Variants in PAPLN observed in about 807,000 individuals in gnomAD.
The protein encoded by PAPLN is papilin.
A neutral mutation model predicts 159.0 loss-of-function variants in PAPLN; 146 were observed. The ratio of observed to expected loss-of-function variants is 0.92; its 90% CI spans 0.80 to 1.05. The LOEUF is 1.05. Among genes scored for constraint, PAPLN ranks in the 50% least tolerant of loss-of-function variants. PAPLN has a pLI of 0.00. For missense variants in PAPLN, 1,720 were observed against 1,743.9 expected (o/e 0.99, Z 0.24); for synonymous variants, 734 against 702.9 (o/e 1.04, Z -0.70).
At chr14:73,239,483 T>C in intron 1 of PAPLN, 1 of 428,444 alleles carries the variant, frequency 2.3e-6, no homozygotes, top group South Asian at 4.5e-5. Flanking sequence ...CACATAGAAG[T>C]ATTTTTAATT....
In PAPLN at chr14:73,262,157, C is replaced by A. The variant is rs994526897; in HGVS notation, c.2246-193C>A. 8.7e-6 allele frequency: 5 copies of A among 575,320 alleles called. No individual in the cohort carries two copies. In the African/African-American group the frequency reaches 9.4e-5, roughly 11 times the overall value. 35.6% of individuals were successfully genotyped at this position (575,320 alleles called of 1,614,324 possible). On this transcript the variant is annotated intron_variant, in intron 18 of 26. Transcript: ENST00000644200. ...AGGCTGCTGTGGCACCAGCCGGGGG[C>A]AGGTCTGCACAGTGGACAGACTCTG...
At chr14:73,271,291 T>C (rs1887693781) in intron 26 of PAPLN, among the ~76,000 whole-genome samples, 1 of 152,138 alleles carries the variant, frequency 6.6e-6, no homozygotes. Flanking sequence ...AGGTAGGTAA[T>C]AGTCTGGTTA....
At position 73,251,847 on chromosome 14, in the gene PAPLN, G is replaced by A. The variant is rs182587944; in HGVS notation, c.843+11G>A. The A allele has an allele frequency of 9.4e-6, 15 of 1,587,420 alleles. No individual in the cohort carries two copies. The African/African-American group carries it at 1.4e-4, about 14-fold the overall frequency. On this transcript the variant is annotated intron_variant, in intron 9 of 26. Coordinates refer to ENST00000644200, the MANE Select transcript of PAPLN (RefSeq NM_001365906.3). ...CCCCTGGTCATCGAGGTAAATGGGGGTGTGGGGAGAGAGGGCGAGTGGGCA... is the reference window on the plus strand; with the variant it reads ...CCCCTGGTCATCGAGGTAAATGGGGATGTGGGGAGAGAGGGCGAGTGGGCA...
At chr14:73,261,372 A>G (rs1886568231) in intron 18 of PAPLN, 78 bp downstream of exon 18, 2 of 1,532,372 alleles carry the variant, frequency 1.3e-6, no homozygotes, top group Non-Finnish European at 1.8e-6. Context: ...ACCCAGGACC[A>G]AAGACCTTCC....
rs1887956820 is a variant in PAPLN, at chr14:73,274,046, AATGAG to A, written c.*1383_*1387del. Reference sequence around the variant, plus strand: ...TGACCAGCCTGCTCTGTACAGTGACAATGAGGAGCCCCTCTCTTCCTTAAGTAGGA... The same window carrying A: ...TGACCAGCCTGCTCTGTACAGTGACAGAGCCCCTCTCTTCCTTAAGTAGGA... On this transcript the variant is annotated 3_prime_UTR_variant, in exon 27 of 27. Transcript: ENST00000644200. 2 of 152,352 alleles carry A rather than the reference AATGAG, an allele frequency of 1.3e-5. No individual in the cohort carries two copies. Among genetic ancestry groups the A allele is most frequent in the South Asian group, 4.1e-4 (2 of 4,826 alleles). 9.4% of individuals were successfully genotyped at this position (152,352 alleles called of 1,614,324 possible).
At position 73,251,699 on chromosome 14, in the gene PAPLN, G is replaced by T. The variant is rs749307204; in HGVS notation, c.706G>T (p.Gly236Trp). The T allele has an allele frequency of 1.2e-6, 2 of 1,613,452 alleles. No homozygotes were observed. The highest frequency in any genetic ancestry group is 4.5e-5 in the East Asian group (2 of 44,886). The change falls in exon 9 of 27, where the codon GGG becomes TGG. Residue 236 changes from glycine (G) to tryptophan (W), a missense_variant. Gly to Trp is a radical substitution (Grantham distance 184, BLOSUM62 -2). Coordinates refer to ENST00000644200, the MANE Select transcript of PAPLN (RefSeq NM_001365906.3). The part of the protein sequence containing the change: ...KNVRGEYYLN[G>W]HWTIEAARAL... ...TGTTCGTGGGGAATACTACCTCAAT[G>T]GGCACTGGACCATCGAGGCGGCCCG...
rs73305090 is a variant in PAPLN, at chr14:73,250,227, T to G, written c.465+113T>G. 7,367 of 1,362,548 alleles carry G rather than the reference T, an allele frequency of 5.4e-3. 287 individuals are homozygous for G. The African/African-American group carries it at 0.087, about 16-fold the overall frequency. The allele number at this position is 1,362,548 out of a possible 1,614,324, so 84.4% of individuals were successfully genotyped here. ...TAGCTGCCATGAGCTTGGTGTCTTCTCAAGTTACCAGGACACCAAGCCCAG... is the reference window on the plus strand; with the variant it reads ...TAGCTGCCATGAGCTTGGTGTCTTCGCAAGTTACCAGGACACCAAGCCCAG... On this transcript the variant is annotated intron_variant, in intron 6 of 26. Coordinates refer to ENST00000644200, the MANE Select transcript of PAPLN (RefSeq NM_001365906.3).
At chr14:73,246,608 C>T (rs1345655247) in intron 5 of PAPLN, among the ~76,000 whole-genome samples, 7 of 149,302 alleles carry the variant, frequency 4.7e-5, no homozygotes, top group Non-Finnish European at 8.9e-5. Context: ...CTCTTCCTTT[C>T]CTTTCCTTTT....
Position 73,245,559 on chromosome 14 carries a change from G to A in PAPLN, c.171-77G>A. 1 of 1,474,082 alleles carries A rather than the reference G, an allele frequency of 6.8e-7. No homozygotes were observed. 91.3% of individuals were successfully genotyped at this position (1,474,082 alleles called of 1,614,324 possible). ...CCACTGGAGAGTCCCGCAGAAGTTG[G>A]GGCCTGCAGAGAGCCCCAGAACGGG... On this transcript the variant is annotated intron_variant, in intron 3 of 26. Transcript: ENST00000644200. The surrounding 1 kb of genome is among the most constrained non-coding windows in gnomAD (Gnocchi z 4.2).
intron 13 of PAPLN, 47 bp from the exon 14 acceptor site, chr14:73,254,830 C>CCAGCCTCGCCCT: frequency 1.9e-6 from 3 of 1,603,722 alleles, no homozygotes; most frequent in Non-Finnish European, 2.5e-6. Flanking sequence ...GTCCCCGCCC[C>CCAGCCTCGCCCT]CAGCCTCGCC....
In PAPLN at chr14:73,245,502, G is replaced by C. The variant is rs1884127836; in HGVS notation, c.171-134G>C. The stretch of plus-strand genomic sequence containing the variant: ...TCCCACCTGGGGGATTTACGGGGTG[G>C]GGTCGGGGGACACCCTCTCACCTTG... On this transcript the variant is annotated intron_variant, in intron 3 of 26. Transcript: ENST00000644200. This position sits in a 1 kb window ranked among gnomAD's most constrained non-coding sequence, Gnocchi z 4.2. 1 of 935,224 alleles carries C rather than the reference G, an allele frequency of 1.1e-6. No individual in the cohort carries two copies. The highest frequency in any genetic ancestry group is 1.6e-6 in the Non-Finnish European group (1 of 633,462). 57.9% of individuals were successfully genotyped at this position (935,224 alleles called of 1,614,324 possible).
At chr14:73,252,588 A>C in intron 10 of PAPLN, 61 bp from the exon 11 acceptor site, 1 of 1,578,070 alleles carries the variant, frequency 6.3e-7, no homozygotes, top group South Asian at 1.2e-5. Context: ...CGCCTGGCCC[A>C]GGGAACGCGC....
chr14:73,266,909 G>C, intron 25 of PAPLN, 78 bp downstream of exon 25: 1 of 1,361,976 alleles, frequency 7.3e-7, no homozygotes, highest in Non-Finnish European at 1.0e-6. Flanking sequence ...TTCTGCCAGG[G>C]ATGTCACTGT....
At chr14:73,251,901 T>A in intron 9 of PAPLN, 65 bp downstream of exon 9, 1 of 1,549,128 alleles carries the variant, frequency 6.5e-7, no homozygotes, top group Admixed American at 2.0e-5. Flanking sequence ...GCTGCCAAGC[T>A]CTGTACATGG....
upstream of PAPLN, among the ~76,000 whole-genome samples, chr14:73,237,232 C>G (rs1266208698): frequency 2.0e-5 from 3 of 152,124 alleles, no homozygotes; most frequent in African/African-American, 7.2e-5. Context: ...TAGGGCAAAG[C>G]TAGAAGGCTT....
At position 73,246,126 on chromosome 14, in the gene PAPLN, C is replaced by G; in HGVS notation, c.285C>G (p.Asp95Glu). 2 of 1,591,256 alleles carry G rather than the reference C, an allele frequency of 1.3e-6. No individual in the cohort carries two copies. Among genetic ancestry groups the G allele is most frequent in the Non-Finnish European group, 8.5e-7 (1 of 1,171,260 alleles). ...GGGCCGAGCAGTGCGCGGAGTTCGA[C>G]GGAGCGGAGTTCCAGGGGCGGCGGT... Reference protein sequence around the residue: ...DFRAEQCAEFDGAEFQGRRYR... With the variant: ...DFRAEQCAEFEGAEFQGRRYR... Residue 95 changes from aspartate (D) to glutamate (E), a missense_variant, in exon 5 of 27, where the codon GAC (aspartate) becomes GAG (glutamate). Coordinates refer to ENST00000644200, the MANE Select transcript of PAPLN (RefSeq NM_001365906.3).
chr14:73,241,315 G>A (rs1883514839), intron 2 of PAPLN, among the ~76,000 whole-genome samples: 1 of 152,180 alleles, frequency 6.6e-6, no homozygotes, highest in Admixed American at 6.5e-5. Flanking sequence ...CGTGCTGGTG[G>A]CCCAGCTGCA....
chr14:73,269,584 C>CT (rs1298725909), intron 26 of PAPLN, among the ~76,000 whole-genome samples: 1 of 152,200 alleles, frequency 6.6e-6, no homozygotes, highest in East Asian at 1.9e-4. Flanking sequence ...AGAGTTCACA[C>CT]TTACAAGAGA....
chr14:73,242,667 T>G (rs1883709356), intron 2 of PAPLN: 1 of 152,256 alleles, frequency 6.6e-6, no homozygotes. Flanking sequence ...TCAGTTTAAC[T>G]TTCATTCAGA....
Sources: gnomAD v4.1 joint callset for allele counts (sites outside exome capture counted in the v4.1 genomes callset) on GRCh38, gnomAD v4.1.1 for gene constraint, Gnocchi (gnomAD v3.1) non-coding constraint, MANE v1.5 for transcripts, NCBI Gene and HGNC (gene_info 2026-07-23, HGNC 2026-07-21) for gene names.